Variants in GCSH observed in about 807,000 individuals in gnomAD.
GCSH encodes glycine cleavage system protein H.
GCSH carries 15 observed loss-of-function variants against 21.3 expected under a neutral mutation model. That is an observed-to-expected ratio of 0.70 (90% CI 0.47 to 1.08). The LOEUF is 1.08. Among genes scored for constraint, GCSH ranks in the 50% least tolerant of loss-of-function variants. GCSH has a pLI of 0.00. For synonymous variants in GCSH, 59 were observed against 84.5 expected (o/e 0.70, Z 1.66); for missense variants, 179 against 217.5 (o/e 0.82, Z 1.11).
rs895133986 is a variant in GCSH, at chr16:81,084,612, TAAAG to T, written c.293-22_293-19del. 6.3e-6 allele frequency: 10 copies of T among 1,585,754 alleles called. No individual in the cohort carries two copies. In the African/African-American group the frequency reaches 6.7e-5, roughly 11 times the overall value. ...AAACTCATCTAAGTGGAAAAAAAAT[TAAAG>T]AAAACATGAAATGTTAAAAGTCAGT... On this transcript the variant is annotated intron_variant, in intron 3 of 4. Coordinates refer to ENST00000315467, the MANE Select transcript of GCSH (RefSeq NM_004483.5).
intron 1 of GCSH, among the ~76,000 whole-genome samples, chr16:81,095,468 T>C (rs59022620): frequency 0.87 from 131,260 of 150,624 alleles, 57,515 homozygotes; most frequent in South Asian, 0.97. Flanking sequence ...CTGCAACCTC[T>C]GCCTCCCAGG....
intron 2 of GCSH, among the ~76,000 whole-genome samples, chr16:81,087,937 T>C (rs1972317456): frequency 6.6e-6 from 1 of 152,064 alleles, no homozygotes; most frequent in Non-Finnish European, 1.5e-5. Flanking sequence ...ACCAGCCTGG[T>C]TGACATGGTG....
rs34324394 is a variant in GCSH at position 81,085,015 on chromosome 16, C to CTTTTT, written c.293-426_293-422dup. ...TAGGCATAAGCCACTGCACCTGGCT[C>CTTTTT]TTTTTTTTTTTTTTTTTTGAGACGG... On this transcript the variant is annotated intron_variant, in intron 3 of 4. Coordinates refer to ENST00000315467, the MANE Select transcript of GCSH (RefSeq NM_004483.5). Among the ~76,000 whole-genome samples, 5 of 106,802 alleles carry CTTTTT rather than the reference C, an allele frequency of 4.7e-5. 1 individual carries two copies. The highest frequency in any genetic ancestry group is 7.6e-5 in the African/African-American group (2 of 26,298). 70.1% of individuals were successfully genotyped at this position (106,802 alleles called of 152,430 possible).
chr16:81,086,773 G>A (rs1026761363), intron 3 of GCSH, among the ~76,000 whole-genome samples: 2 of 132,982 alleles, frequency 1.5e-5, no homozygotes, highest in African/African-American at 5.1e-5. Context: ...CAAGAAGCTT[G>A]GTAAATCCCA....
intron 2 of GCSH, among the ~76,000 whole-genome samples, chr16:81,088,652 C>A (rs1286817226): frequency 6.6e-6 from 1 of 152,294 alleles, no homozygotes; most frequent in African/African-American, 2.4e-5. Context: ...CAACTTGCCT[C>A]GGCCTTCCAA....
intron 3 of GCSH, among the ~76,000 whole-genome samples, chr16:81,085,634 C>T (rs1290511531): frequency 6.6e-6 from 1 of 152,060 alleles, no homozygotes; most frequent in Non-Finnish European, 1.5e-5. Context: ...TTTGGAAGAC[C>T]AAGGCAGGAA....
intron 2 of GCSH, among the ~76,000 whole-genome samples, chr16:81,089,996 G>A (rs142834939): frequency 1.1e-4 from 16 of 151,478 alleles, no homozygotes; most frequent in African/African-American, 3.9e-4. Flanking sequence ...CCTACTTTCA[G>A]TGTTAAGCTT....
chr16:81,086,810 T>TTAGGGTTAGGGTTAG (rs755311210), intron 3 of GCSH, among the ~76,000 whole-genome samples: 1 of 152,154 alleles, frequency 6.6e-6, no homozygotes. Flanking sequence ...ACACACACTG[T>TTAGGGTTAGGGTTAG]GTGATTCCTT....
intron 1 of GCSH, among the ~76,000 whole-genome samples, chr16:81,094,996 G>C (rs1354664385): frequency 6.6e-6 from 1 of 152,064 alleles, no homozygotes. Context: ...GGGAGGCTGA[G>C]GCAAGAGAAT....
intron 1 of GCSH, among the ~76,000 whole-genome samples, chr16:81,093,274 A>C (rs1355553860): frequency 1.3e-5 from 2 of 152,204 alleles, no homozygotes; most frequent in African/African-American, 4.8e-5. Flanking sequence ...AATTATGAGC[A>C]GTTTGAAGCT....
Position 81,087,473 on chromosome 16 carries a change from G to C in GCSH, c.292+128C>G, listed in dbSNP as rs1171693318. 1.5e-5 allele frequency: 11 copies of C among 730,124 alleles called. No individual in the cohort carries two copies. In the East Asian group the frequency reaches 2.4e-4, roughly 16 times the overall value. The allele number at this position is 730,124 out of a possible 1,614,324, so 45.2% of individuals were successfully genotyped here. ...AGATGGTGCCACTGCACTCCAGCCTGGGTGACAAAGCAAGACTGTCTCCAA... is the reference window on the plus strand; with the variant it reads ...AGATGGTGCCACTGCACTCCAGCCTCGGTGACAAAGCAAGACTGTCTCCAA... On this transcript the variant is annotated intron_variant, in intron 3 of 4. Coordinates refer to ENST00000315467, the MANE Select transcript of GCSH (RefSeq NM_004483.5).
chr16:81,096,109 C>T (rs1293421345), intron 1 of GCSH, 22 bp downstream of exon 1: 72 of 1,245,032 alleles, frequency 5.8e-5, no homozygotes, highest in Non-Finnish European at 7.2e-5. Context: ...GGAGCAGCCG[C>T]CCACGTGCCC....
At chr16:81,087,278 C>G (rs986128547) in intron 3 of GCSH, among the ~76,000 whole-genome samples, 1 of 152,090 alleles carries the variant, frequency 6.6e-6, no homozygotes, top group African/African-American at 2.4e-5. Flanking sequence ...GTAATCTCAG[C>G]ATTTTGGGAG....
chr16:81,082,804 T>C lies in GCSH; in HGVS notation c.*62A>G, dbSNP rs549211286. On this transcript the variant is annotated 3_prime_UTR_variant, in exon 5 of 5. Transcript: ENST00000315467. ...CTATTCTAAGTCTTCTATCCACCAC[T>C]AATTTAAGACAACTCTGCTGGCTTG... The C allele has an allele frequency of 7.7e-4, 625 of 806,572 alleles. 4 individuals carry two copies. In the African/African-American group the frequency reaches 0.01, roughly 13 times the overall value. The allele number at this position is 806,572 out of a possible 1,614,324, so 50.0% of individuals were successfully genotyped here.
intron 1 of GCSH, among the ~76,000 whole-genome samples, chr16:81,092,212 T>C (rs937580732): frequency 2.0e-5 from 3 of 152,064 alleles, no homozygotes; most frequent in Non-Finnish European, 2.9e-5. Context: ...TCTAGGTTCT[T>C]AGGCCAGCCA....
Position 81,096,133 on chromosome 16 carries a change from G to A in GCSH, c.146C>T (p.Ser49Leu), listed in dbSNP as rs2151775863. 1 of 1,260,562 alleles carries A rather than the reference G, an allele frequency of 7.9e-7. No individual in the cohort carries two copies. The highest frequency in any genetic ancestry group is 1.0e-6 in the Non-Finnish European group (1 of 1,003,584). The allele number at this position is 1,260,562 out of a possible 1,614,324, so 78.1% of individuals were successfully genotyped here. A position where few individuals can be genotyped will look rare whatever the true frequency, so the allele number is the denominator to read the frequency against. ...RTLRTGPALL[S>L]VRKFTEKHEW... The stretch of plus-strand genomic sequence containing the variant: ...GCCCACGTGCCCGCCGCGCTTACCC[G>A]AGAGCAGAGCGGGTCCAGTGCGCAG... Residue 49 changes from serine to leucine, a missense_variant and splice_region_variant, in exon 1 of 5, where the codon TCG (serine) becomes TTG (leucine). Transcript: ENST00000315467.
intron 3 of GCSH, among the ~76,000 whole-genome samples, 154 bp downstream of exon 3, chr16:81,087,447 G>T (rs1017587932): frequency 2.6e-5 from 4 of 151,578 alleles, no homozygotes; most frequent in Admixed American, 2.6e-4. Context: ...ACAGTGGGCC[G>T]AGATGGTGCC....
chr16:81,091,912 G>A (rs1163997266), intron 1 of GCSH, among the ~76,000 whole-genome samples: 1 of 152,054 alleles, frequency 6.6e-6, no homozygotes, highest in Non-Finnish European at 1.5e-5. Flanking sequence ...GAGCCACCGT[G>A]CCTAGCCAAG....
At chr16:81,084,742 C>T (rs1303440334) in intron 3 of GCSH, 148 bp from the exon 4 acceptor site, 2 of 632,274 alleles carry the variant, frequency 3.2e-6, no homozygotes, top group Non-Finnish European at 5.4e-6. Flanking sequence ...TGGAGTCTCG[C>T]TCTGTTGCCC....
Sources: allele counts gnomAD v4.1 joint callset (sites outside exome capture counted in the v4.1 genomes callset), GRCh38; gene constraint gnomAD v4.1.1; transcripts MANE v1.5; gene names NCBI Gene and HGNC (gene_info 2026-07-23, HGNC 2026-07-21).